The following MOG variants were observed in gnomAD, a reference collection of about 807,000 sequenced individuals.
MOG encodes myelin-oligodendrocyte glycoprotein.
Under a neutral mutation model 35.9 loss-of-function variants are expected in MOG, and 20 were observed. The ratio of observed to expected loss-of-function variants is 0.56; its 90% CI spans 0.39 to 0.81. The LOEUF is 0.81. Among genes scored for constraint, MOG ranks in the 30% least tolerant of loss-of-function variants. The probability of loss-of-function intolerance (pLI) is 0.00; values close to 1 mark genes in which losing one functional copy is unlikely to be tolerated. For synonymous variants in MOG, 92 were observed against 114.3 expected, an observed-to-expected ratio of 0.80 and a Z score of 1.25; for missense variants, 251 against 301.0, an observed-to-expected ratio of 0.83 and a Z score of 1.23.
Position 29,662,398 on chromosome 6 carries a change from C to T in MOG, c.436+2732C>T, listed in dbSNP as rs1055018642. On this transcript the variant is annotated intron_variant, in intron 2 of 7. Transcript: ENST00000376917. This position sits in a 1 kb window ranked among gnomAD's most constrained non-coding sequence, Gnocchi z 4.2. ...ACTTGAGAGACTGAGGCAGGAGAAT[C>T]GCTTGAACCGGGAGGCAGAGGTTGC... is the stretch of plus-strand genomic sequence containing the variant. Among the ~76,000 whole-genome samples the T allele has an allele frequency of 2.0e-5, 3 of 151,906 alleles. No individual in the cohort carries two copies. Among genetic ancestry groups the T allele is most frequent in the Non-Finnish European group, 4.4e-5 (3 of 67,974 alleles).
rs760303785 is a variant in MOG, at chr6:29,670,834, G to T, written c.730+113G>T. The T allele has an allele frequency of 1.9e-6, 3 of 1,581,992 alleles. No individual in the cohort carries two copies. Among genetic ancestry groups the T allele is most frequent in the Middle Eastern group, 3.3e-4 (2 of 6,026 alleles). On this transcript the variant is annotated intron_variant, in intron 7 of 7. Coordinates refer to ENST00000376917, the MANE Select transcript of MOG (RefSeq NM_206809.4). The surrounding 1 kb of genome is among the most constrained non-coding windows in gnomAD (Gnocchi z 4.2). ...GGGATCACATTCCCAGAGGAAAGGA[G>T]GAGCTGGAGAGCCTGGGTGGAGGGA...
Position 29,671,258 on chromosome 6 carries a change from C to A in MOG, c.*73C>A. 6.2e-7 allele frequency: 1 copy of A among 1,612,146 alleles called. No individual in the cohort carries two copies. Among genetic ancestry groups the A allele is most frequent in the Non-Finnish European group, 8.5e-7 (1 of 1,180,026 alleles). Reference sequence around the variant, plus strand: ...GATTTGTCCTTGGGGACATCTCATCCATCAAGTTGCACACTCACTGGCATC... The same window carrying A: ...GATTTGTCCTTGGGGACATCTCATCAATCAAGTTGCACACTCACTGGCATC... On this transcript the variant is annotated 3_prime_UTR_variant, in exon 8 of 8. Transcript: ENST00000376917.
Position 29,671,673 on chromosome 6 carries a change from G to C in MOG, c.*488G>C. ...GGAAGAGTGCAAAACATTGAAGAGAGAGCTGAGTGAGCTGAAGAGTGAGGA... is the reference window on the plus strand; with the variant it reads ...GGAAGAGTGCAAAACATTGAAGAGACAGCTGAGTGAGCTGAAGAGTGAGGA... On this transcript the variant is annotated 3_prime_UTR_variant, in exon 8 of 8. Transcript: ENST00000376917. The C allele has an allele frequency of 3.3e-6, 2 of 605,218 alleles. No individual in the cohort carries two copies. Among genetic ancestry groups the C allele is most frequent in the Non-Finnish European group, 5.9e-6 (2 of 341,032 alleles). 37.5% of individuals were successfully genotyped at this position (605,218 alleles called of 1,614,324 possible). A position where few individuals can be genotyped will look rare whatever the true frequency, so the allele number is the denominator to read the frequency against.
At chr6:29,669,905 G>A (rs577023982) in intron 5 of MOG, among the ~76,000 whole-genome samples, 135 of 152,036 alleles carry the variant, frequency 8.9e-4, no homozygotes, top group Non-Finnish European at 1.5e-3. Flanking sequence ...TGAGTAGCTG[G>A]CATTACAGGC....
rs1398032690 is a variant in MOG at position 29,672,329 on chromosome 6, TAAATAAA to T, written c.*1151_*1157del. The T allele has an allele frequency of 1.3e-3, 359 of 284,330 alleles. 6 individuals are homozygous for T. The South Asian group carries it at 0.013, about 10-fold the overall frequency. 17.6% of individuals were successfully genotyped at this position (284,330 alleles called of 1,614,324 possible). On this transcript the variant is annotated 3_prime_UTR_variant, in exon 8 of 8. Transcript: ENST00000376917. ...ATAAATAAATAAATAAATAAATAAA[TAAATAAA>T]AAATAATAATACAAGTTTTCATAAG...
intron 2 of MOG, among the ~76,000 whole-genome samples, chr6:29,660,822 C>T (rs920037891): frequency 4.6e-5 from 7 of 151,232 alleles, no homozygotes; most frequent in Admixed American, 4.6e-4. Flanking sequence ...GATTCTCCTG[C>T]CTCAGCCTCC....
At chr6:29,661,883 G>C (rs1583108038) in intron 2 of MOG, 1 of 984,830 alleles carries the variant, frequency 1.0e-6, no homozygotes, top group Non-Finnish European at 1.2e-6. Context: ...TGCCTCAGGG[G>C]AGAAAGTTCT....
intron 5 of MOG, among the ~76,000 whole-genome samples, chr6:29,668,620 T>C (rs1770725878): frequency 6.6e-6 from 1 of 152,220 alleles, no homozygotes; most frequent in South Asian, 2.1e-4. Context: ...TCTTGTCACC[T>C]GGCACACAGA....
chr6:29,667,540 C>T (rs2071652), intron 3 of MOG, 103 bp from the exon 4 acceptor site: 54,699 of 1,181,212 alleles, frequency 0.046, 2,031 homozygotes, highest in East Asian at 0.18. Context: ...TTCCAGGCTG[C>T]AGAGAAATAG....
At chr6:29,663,266 C>CA (rs34825987) in intron 2 of MOG, among the ~76,000 whole-genome samples, 18,357 of 61,154 alleles carry the variant, frequency 0.3, 2,689 homozygotes, top group East Asian at 0.38. Context: ...GAGTGAGACT[C>CA]AAAAAAAAAA....
At chr6:29,657,570 G>C (rs1294857106) in intron 1 of MOG, among the ~76,000 whole-genome samples, 1 of 151,198 alleles carries the variant, frequency 6.6e-6, no homozygotes, top group Non-Finnish European at 1.5e-5. Context: ...TGCAACCTCA[G>C]CCTCCCTGGT....
chr6:29,659,294 C>A (rs748680625), intron 1 of MOG, 25 bp from the exon 2 acceptor site: 35 of 1,611,026 alleles, frequency 2.2e-5, no homozygotes, highest in Non-Finnish European at 2.9e-5. Context: ...GACCTTAAAT[C>A]TCTTCCTTTT....
Position 29,667,891 on chromosome 6 carries a change from G to GT in MOG, c.572-10dup, listed in dbSNP as rs1321893196. The GT allele has an allele frequency of 6.2e-7, 1 of 1,613,592 alleles. No homozygotes were observed. The highest frequency in any genetic ancestry group is 8.5e-7 in the Non-Finnish European group (1 of 1,179,940). Reference sequence around the variant, plus strand: ...TGCCCTACTAAATCCATTTCCATTTGTTTCTCTTTCAGAGAATCTCCACCG... The same window carrying GT: ...TGCCCTACTAAATCCATTTCCATTTGTTTTCTCTTTCAGAGAATCTCCACCG... On this transcript the variant is annotated splice_polypyrimidine_tract_variant and intron_variant, in intron 4 of 7. Transcript: ENST00000376917.
Position 29,657,202 on chromosome 6 carries a change from C to G in MOG, c.-8C>G. 1 of 1,602,046 alleles carries G rather than the reference C, an allele frequency of 6.2e-7. No individual in the cohort carries two copies. Among genetic ancestry groups the G allele is most frequent in the Non-Finnish European group, 8.5e-7 (1 of 1,170,416 alleles). On this transcript the variant is annotated 5_prime_UTR_variant, in exon 1 of 8. Transcript: ENST00000376917. ...TGCGGGGGCTCTCTGTCCCCAGGAA[C>G]AGTAGAGATGGCAAGCTTATCAAGA...
intron 1 of MOG, among the ~76,000 whole-genome samples, chr6:29,658,909 C>T (rs752920286): frequency 2.0e-5 from 3 of 152,154 alleles, no homozygotes; most frequent in African/African-American, 7.2e-5. Flanking sequence ...GTCAGGAGTT[C>T]GAGACCAGCC....
Position 29,670,893 on chromosome 6 carries a change from C to T in MOG, c.730+172C>T. The T allele has an allele frequency of 6.9e-6, 11 of 1,597,400 alleles. No homozygotes were observed. Among genetic ancestry groups the T allele is most frequent in the Non-Finnish European group, 9.4e-6 (11 of 1,171,944 alleles). Reference sequence around the variant, plus strand: ...CCTGGGAGGTAGAGGGCAAAGAAGCCAGCTGTTAGAGACACATTTACAGGT... The same window carrying T: ...CCTGGGAGGTAGAGGGCAAAGAAGCTAGCTGTTAGAGACACATTTACAGGT... On this transcript the variant is annotated intron_variant, in intron 7 of 7. Coordinates refer to ENST00000376917, the MANE Select transcript of MOG (RefSeq NM_206809.4). This position sits in a 1 kb window ranked among gnomAD's most constrained non-coding sequence, Gnocchi z 4.2.
Position 29,666,162 on chromosome 6 carries a change from C to A in MOG, c.447C>A (p.Tyr149Ter). The change falls in exon 3 of 8, where the codon TAC becomes TAA. Residue 149 changes from tyrosine (Y) to a stop codon, truncating the protein, a stop_gained. Coordinates refer to ENST00000376917, the MANE Select transcript of MOG (RefSeq NM_206809.4). LOFTEE classifies it high-confidence loss of function. ...AGTCCTGCCTTTCAGATCCTTTCTA[C>A]TGGGTGAGCCCTGGAGTGCTGGTTC... ...AMELKVEDPF[Y>*]WVSPGVLVLL... The A allele has an allele frequency of 6.2e-7, 1 of 1,611,536 alleles. No individual in the cohort carries two copies. Among genetic ancestry groups the A allele is most frequent in the Non-Finnish European group, 8.5e-7 (1 of 1,178,650 alleles).
At position 29,657,137 on chromosome 6, in the gene MOG, G is replaced by A; in HGVS notation, c.-73G>A. ...TCCCTTGGGCTTTTCAGCAGTAAGG[G>A]GACATGCACCCCAAGGGCCTCCACT... On this transcript the variant is annotated 5_prime_UTR_variant, in exon 1 of 8. Coordinates refer to ENST00000376917, the MANE Select transcript of MOG (RefSeq NM_206809.4). The A allele has an allele frequency of 1.8e-6, 2 of 1,089,364 alleles. No individual in the cohort carries two copies. The highest frequency in any genetic ancestry group is 2.8e-6 in the Non-Finnish European group (2 of 706,160). 67.5% of individuals were successfully genotyped at this position (1,089,364 alleles called of 1,614,324 possible).
chr6:29,671,112 A>G, intron 7 of MOG, 60 bp from the exon 8 acceptor site: 1 of 1,612,842 alleles, frequency 6.2e-7, no homozygotes, highest in African/African-American at 1.3e-5. Flanking sequence ...CCCTAGTTCA[A>G]TGGTTTTATG....
Sources: gnomAD v4.1 joint callset for allele counts (sites outside exome capture counted in the v4.1 genomes callset) on GRCh38, gnomAD v4.1.1 for gene constraint, Gnocchi (gnomAD v3.1) non-coding constraint, MANE v1.5 for transcripts, NCBI Gene and HGNC (gene_info 2026-07-23, HGNC 2026-07-21) for gene names.